SPTLC3: variants seen among roughly 807,000 people sequenced by gnomAD.
The protein encoded by SPTLC3 is serine palmitoyltransferase 3.
SPTLC3 carries 36 observed loss-of-function variants against 59.3 expected under a neutral mutation model. The ratio of observed to expected loss-of-function variants is 0.61; its 90% CI spans 0.47 to 0.80. The LOEUF is 0.80. SPTLC3 is among the 30% of genes least tolerant of loss of function. The pLI is 0.00. For synonymous variants in SPTLC3, 257 were observed against 240.8 expected (o/e 1.07, Z -0.62); for missense variants, 625 against 685.1 (o/e 0.91, Z 0.98).
chr20:13,113,925 T>C (rs184943127), intron 7 of SPTLC3, among the ~76,000 whole-genome samples: 345 of 152,316 alleles, frequency 2.3e-3, no homozygotes, highest in African/African-American at 7.9e-3. Context: ...ACATTTCCCA[T>C]GTGCAGCCTT....
intron 9 of SPTLC3, among the ~76,000 whole-genome samples, chr20:13,137,684 A>G (rs1201775480): frequency 6.6e-6 from 1 of 152,170 alleles, no homozygotes; most frequent in African/African-American, 2.4e-5. Flanking sequence ...GATCATGTTT[A>G]AAAACATAGA....
chr20:13,011,713 A>AG (rs398088600), intron 1 of SPTLC3, among the ~76,000 whole-genome samples: 2 of 96,942 alleles, frequency 2.1e-5, no homozygotes, highest in South Asian at 1.1e-3. Context: ...TGGAGCTTTT[A>AG]TGGAGCCTGA....
chr20:13,017,502 A>G (rs774894177), intron 1 of SPTLC3, among the ~76,000 whole-genome samples: 9 of 152,226 alleles, frequency 5.9e-5, no homozygotes, highest in Non-Finnish European at 1.2e-4. Context: ...TATCTTAGAC[A>G]TGATGCAATA....
At chr20:13,104,898 T>C (rs2122669779) in intron 6 of SPTLC3, among the ~76,000 whole-genome samples, 1 of 151,604 alleles carries the variant, frequency 6.6e-6, no homozygotes, top group Non-Finnish European at 1.5e-5. Flanking sequence ...TCTGGCATTG[T>C]TTTTTTCATC....
rs1471696539 is a variant in SPTLC3 at position 13,117,652 on chromosome 20, A to T, written c.1079A>T (p.His360Leu). Reference protein sequence around the residue: ...GVTEFFGLDPHEVDVLMGTFT... With the variant: ...GVTEFFGLDPLEVDVLMGTFT... ...ACGGAGTTCTTTGGACTAGACCCTC[A>T]TGAAGTTGATGTGCTCATGGGCACA... The change falls in exon 8 of 12, where the codon CAT becomes CTT. Residue 360 changes from histidine (H) to leucine (L), a missense_variant. Coordinates refer to ENST00000399002, the MANE Select transcript of SPTLC3 (RefSeq NM_018327.4). 1 of 1,614,076 alleles carries T rather than the reference A, an allele frequency of 6.2e-7. No homozygotes were observed. The highest frequency in any genetic ancestry group is 8.5e-7 in the Non-Finnish European group (1 of 1,179,956).
chr20:13,057,472 CCATT>C (rs1204735012), intron 2 of SPTLC3, among the ~76,000 whole-genome samples: 5 of 152,178 alleles, frequency 3.3e-5, no homozygotes, highest in Admixed American at 3.3e-4. Flanking sequence ...ATACAGCCTT[CCATT>C]CAAATTAACG....
intron 6 of SPTLC3, among the ~76,000 whole-genome samples, chr20:13,100,466 A>G (rs1568601151): frequency 6.6e-6 from 1 of 152,212 alleles, no homozygotes; most frequent in Non-Finnish European, 1.5e-5. Context: ...CTGGTGGCTC[A>G]TATCTGTAAG....
At chr20:13,109,743 T>C (rs13036605) in intron 6 of SPTLC3, among the ~76,000 whole-genome samples, 2 of 152,084 alleles carry the variant, frequency 1.3e-5, no homozygotes, top group African/African-American at 4.8e-5. Flanking sequence ...GATTGATGAG[T>C]GGTATTAATT....
Position 13,074,474 on chromosome 20 carries a change from TG to T in SPTLC3, c.586del (p.Ala196ProfsTer24). The T allele has an allele frequency of 6.2e-7, 1 of 1,613,736 alleles. No individual in the cohort carries two copies. Among genetic ancestry groups the T allele is most frequent in the Non-Finnish European group, 8.5e-7 (1 of 1,179,734 alleles). The part of the protein sequence containing the change: ...KDVLEVYGTG[V>X]ASTRHEMGTL... ...GTTTTAGAGGTGTATGGCACAGGCG[TG>T]GCCAGCACCAGGCATGAAATGGGTA... On this transcript the variant is annotated frameshift_variant, in exon 4 of 12. Coordinates refer to ENST00000399002, the MANE Select transcript of SPTLC3 (RefSeq NM_018327.4). LOFTEE classifies it high-confidence loss of function.
chr20:13,101,635 A>C (rs1989604527), intron 6 of SPTLC3, among the ~76,000 whole-genome samples: 1 of 152,160 alleles, frequency 6.6e-6, no homozygotes, highest in Admixed American at 6.5e-5. Flanking sequence ...AGGAACCAAC[A>C]CATTTGTTCT....
chr20:13,115,154 T>C (rs1990463882), intron 7 of SPTLC3, among the ~76,000 whole-genome samples: 1 of 152,210 alleles, frequency 6.6e-6, no homozygotes, highest in Non-Finnish European at 1.5e-5. Context: ...TTGACAGCAA[T>C]TCATGGGAAT....
At chr20:13,114,307 T>C (rs564382356) in intron 7 of SPTLC3, among the ~76,000 whole-genome samples, 1 of 152,362 alleles carries the variant, frequency 6.6e-6, no homozygotes, top group South Asian at 2.1e-4. Flanking sequence ...TTTCATTAAG[T>C]ATCATTTTAA....
At chr20:13,039,988 T>C (rs1986903815) in intron 1 of SPTLC3, among the ~76,000 whole-genome samples, 1 of 152,090 alleles carries the variant, frequency 6.6e-6, no homozygotes, top group Non-Finnish European at 1.5e-5. Flanking sequence ...TACAATTTTA[T>C]GTCTTTTTTA....
chr20:13,141,816 G>A (rs1174706735), intron 9 of SPTLC3, among the ~76,000 whole-genome samples: 2 of 152,188 alleles, frequency 1.3e-5, no homozygotes, highest in African/African-American at 4.8e-5. Context: ...TCAACTGAGG[G>A]CCTGCCTCAG....
At chr20:13,015,575 TTAACC>T (rs1333243694) in intron 1 of SPTLC3, among the ~76,000 whole-genome samples, 1 of 152,200 alleles carries the variant, frequency 6.6e-6, no homozygotes, top group African/African-American at 2.4e-5. Context: ...TCTGCCTAAG[TTAACC>T]TATCAGTTTC....
intron 6 of SPTLC3, among the ~76,000 whole-genome samples, chr20:13,105,267 G>GAA (rs34496058): frequency 0.08 from 11,973 of 149,598 alleles, 498 homozygotes; most frequent in Middle Eastern, 0.15. Context: ...CCTGCAGGAG[G>GAA]AAAAAAAAAA....
At chr20:13,155,122 A>C (rs570446475) in intron 10 of SPTLC3, among the ~76,000 whole-genome samples, 1 of 152,212 alleles carries the variant, frequency 6.6e-6, no homozygotes, top group South Asian at 2.1e-4. Flanking sequence ...CAGAGGTTGC[A>C]TGAGCAGAGA....
intron 6 of SPTLC3, among the ~76,000 whole-genome samples, chr20:13,096,409 T>C (rs1989414343): frequency 1.3e-5 from 2 of 151,714 alleles, no homozygotes; most frequent in South Asian, 2.1e-4. Context: ...GAAAAAACTA[T>C]TATTTATTTA....
In SPTLC3 at chr20:13,091,401, C is replaced by T. The variant is rs180833682; in HGVS notation, c.732+194C>T. On this transcript the variant is annotated intron_variant, in intron 5 of 11. Transcript: ENST00000399002. ...CATCCTGGCCAACATAGTGAAACCCCGTCTCTACTAAAAATAAAAAAGTTA... is the reference window on the plus strand; with the variant it reads ...CATCCTGGCCAACATAGTGAAACCCTGTCTCTACTAAAAATAAAAAAGTTA... 1.5e-3 allele frequency among the ~76,000 whole-genome samples: 232 copies of T among 151,890 alleles called. 3 individuals are homozygous for T. The highest frequency in any genetic ancestry group is 0.013 in the Admixed American group (202 of 15,256).
Sources: gnomAD v4.1 joint callset for allele counts (sites outside exome capture counted in the v4.1 genomes callset) on GRCh38, gnomAD v4.1.1 for gene constraint, MANE v1.5 for transcripts, NCBI Gene and HGNC (gene_info 2026-07-23, HGNC 2026-07-21) for gene names.